The following CNTNAP2 variants were observed in gnomAD, a reference collection of about 807,000 sequenced individuals.
The protein encoded by CNTNAP2 is contactin-associated protein-like 2.
A neutral mutation model predicts 155.2 loss-of-function variants in CNTNAP2; 98 were observed. The ratio of observed to expected loss-of-function variants is 0.63; its 90% CI spans 0.54 to 0.75. CNTNAP2 has a LOEUF of 0.75. Ranked by LOEUF, CNTNAP2 falls within the 30% of genes least tolerant of loss-of-function variation. CNTNAP2 has a pLI of 0.00. For synonymous variants in CNTNAP2, 651 were observed against 631.2 expected (o/e 1.03, Z -0.47); for missense variants, 1,727 against 1,688.1 (o/e 1.02, Z -0.40).
intron 13 of CNTNAP2, among the ~76,000 whole-genome samples, chr7:147,736,282 G>A (rs1476968342): frequency 9.9e-5 from 15 of 151,970 alleles, no homozygotes; most frequent in Non-Finnish European, 1.5e-5. Flanking sequence ...CACTTATGAA[G>A]CTTAGTTTGT....
At chr7:147,172,367 G>C (rs1345343950) in intron 8 of CNTNAP2, among the ~76,000 whole-genome samples, 2 of 152,036 alleles carry the variant, frequency 1.3e-5, no homozygotes, top group African/African-American at 4.8e-5. Flanking sequence ...TGAATTGGTT[G>C]ACTGAATGAT....
intron 1 of CNTNAP2, among the ~76,000 whole-genome samples, chr7:146,455,455 A>G (rs1202976022): frequency 1.3e-5 from 2 of 152,302 alleles, no homozygotes; most frequent in East Asian, 1.9e-4. Flanking sequence ...ATGTTGGGAC[A>G]TAAGTACTAG....
At chr7:146,397,032 A>C (rs886986775) in intron 1 of CNTNAP2, among the ~76,000 whole-genome samples, 2 of 152,170 alleles carry the variant, frequency 1.3e-5, no homozygotes, top group Non-Finnish European at 2.9e-5. Flanking sequence ...ATGGACTTCC[A>C]ATAATCTTGC....
intron 12 of CNTNAP2, among the ~76,000 whole-genome samples, chr7:147,568,707 A>T (rs560534721): frequency 6.6e-6 from 1 of 152,056 alleles, no homozygotes; most frequent in African/African-American, 2.4e-5. Flanking sequence ...TATTTCTAAC[A>T]TTTCAGCTTT....
chr7:147,634,885 A>G (rs1795150620), intron 12 of CNTNAP2, among the ~76,000 whole-genome samples: 1 of 151,952 alleles, frequency 6.6e-6, no homozygotes, highest in Non-Finnish European at 1.5e-5. Flanking sequence ...ATGCCCAACC[A>G]TTTCTAACTC....
At chr7:147,775,263 A>G (rs1563084322) in intron 13 of CNTNAP2, among the ~76,000 whole-genome samples, 1 of 101,644 alleles carries the variant, frequency 9.8e-6, no homozygotes, top group Non-Finnish European at 1.9e-5. Flanking sequence ...ATTTATAAAT[A>G]TATTTATATA....
At chr7:147,854,115 C>T (rs1234435605) in intron 13 of CNTNAP2, among the ~76,000 whole-genome samples, 1 of 152,110 alleles carries the variant, frequency 6.6e-6, no homozygotes, top group African/African-American at 2.4e-5. Context: ...CACATCAATT[C>T]GGCCATTATA....
chr7:147,563,441 C>T (rs1345953988), intron 12 of CNTNAP2, among the ~76,000 whole-genome samples: 1 of 151,898 alleles, frequency 6.6e-6, no homozygotes, highest in African/African-American at 2.4e-5. Flanking sequence ...CCATTCTGGC[C>T]AACATGAGGA....
chr7:147,221,868 T>G (rs1803409188), intron 8 of CNTNAP2, among the ~76,000 whole-genome samples: 1 of 152,120 alleles, frequency 6.6e-6, no homozygotes, highest in African/African-American at 2.4e-5. Context: ...GGATTCTAGG[T>G]TTGTGGGCTT....
chr7:148,149,613 C>T (rs1805259684), intron 17 of CNTNAP2, among the ~76,000 whole-genome samples: 1 of 152,002 alleles, frequency 6.6e-6, no homozygotes, highest in South Asian at 2.1e-4. Flanking sequence ...GGTGTGTTCT[C>T]AACTCACGAC....
At chr7:146,179,263 G>A (rs987435613) in intron 1 of CNTNAP2, among the ~76,000 whole-genome samples, 9 of 152,142 alleles carry the variant, frequency 5.9e-5, no homozygotes, top group South Asian at 2.1e-4. Context: ...ACAGGGTATC[G>A]CCATGGATGA....
At chr7:146,338,836 C>T (rs1333604289) in intron 1 of CNTNAP2, among the ~76,000 whole-genome samples, 1 of 151,972 alleles carries the variant, frequency 6.6e-6, no homozygotes, top group East Asian at 1.9e-4. Flanking sequence ...ATATAAGCCT[C>T]ATAGTAACCA....
chr7:148,029,895 T>C lies in CNTNAP2; in HGVS notation c.2383+51906T>C, dbSNP rs181696241. Among the ~76,000 whole-genome samples the C allele has an allele frequency of 8.8e-4, 134 of 152,294 alleles. 1 individual carries two copies. The highest frequency in any genetic ancestry group is 3.1e-3 in the African/African-American group (127 of 41,578). ...GTAAGGTATATTTCCAGTACTGTTT[T>C]ATGTTTGGCAGGATTGTGGTGGAGA... On this transcript the variant is annotated intron_variant, in intron 15 of 23. Coordinates refer to ENST00000361727, the MANE Select transcript of CNTNAP2 (RefSeq NM_014141.6).
intron 12 of CNTNAP2, among the ~76,000 whole-genome samples, chr7:147,612,363 A>G (rs1332297705): frequency 6.6e-6 from 1 of 151,404 alleles, no homozygotes; most frequent in African/African-American, 2.4e-5. Context: ...AAGAAATATA[A>G]TTTCAAATAT....
chr7:148,344,181 A>G (rs1798281688), intron 21 of CNTNAP2, among the ~76,000 whole-genome samples: 1 of 152,144 alleles, frequency 6.6e-6, no homozygotes, highest in African/African-American at 2.4e-5. Flanking sequence ...ACAGATATTT[A>G]TTTAGGTGTT....
intron 11 of CNTNAP2, among the ~76,000 whole-genome samples, chr7:147,517,474 GGAGA>G (rs1333050994): frequency 6.6e-6 from 1 of 152,154 alleles, no homozygotes; most frequent in African/African-American, 2.4e-5. Flanking sequence ...AGCAGCTGTG[GGAGA>G]GAAAGTTCAA....
rs749891285 is a variant in CNTNAP2 at position 146,597,146 on chromosome 7, T to C, written c.98-177125T>C. ...AGTTTATGTTCTGGATAGAACTTCA[T>C]AGGAGGCATGGCATTGATCATCACT... On this transcript the variant is annotated intron_variant, in intron 1 of 23. Coordinates refer to ENST00000361727, the MANE Select transcript of CNTNAP2 (RefSeq NM_014141.6). Among the ~76,000 whole-genome samples, 4 of 152,074 alleles carry C rather than the reference T, an allele frequency of 2.6e-5. No homozygotes were observed. In the South Asian group the frequency reaches 6.2e-4, roughly 24 times the overall value.
At position 147,196,799 on chromosome 7, in the gene CNTNAP2, A is replaced by G. The variant is rs527315877; in HGVS notation, c.1348+64290A>G. On this transcript the variant is annotated intron_variant, in intron 8 of 23. Coordinates refer to ENST00000361727, the MANE Select transcript of CNTNAP2 (RefSeq NM_014141.6). Reference sequence around the variant, plus strand: ...GCAACTACTGAATGACGCGAAAAATATACAGCTAAGAGTGTGCAGGCGAGT... The same window carrying G: ...GCAACTACTGAATGACGCGAAAAATGTACAGCTAAGAGTGTGCAGGCGAGT... Among the ~76,000 whole-genome samples the G allele has an allele frequency of 1.1e-4, 16 of 152,334 alleles. No homozygotes were observed. The South Asian group carries it at 3.1e-3, about 30-fold the overall frequency.
Position 147,110,659 on chromosome 7 carries a change from G to A in CNTNAP2, c.754+2309G>A, listed in dbSNP as rs188903159. Among the ~76,000 whole-genome samples the A allele has an allele frequency of 6.2e-3, 946 of 152,210 alleles. 6 individuals carry two copies. Among genetic ancestry groups the A allele is most frequent in the Middle Eastern group, 0.024 (7 of 294 alleles). On this transcript the variant is annotated intron_variant, in intron 5 of 23. Coordinates refer to ENST00000361727, the MANE Select transcript of CNTNAP2 (RefSeq NM_014141.6). ...TCTGTTCCTGCATTAGTTTGCTGAG[G>A]ACAATAGCCTCCAGCTCCATCCATG...
Sources: allele counts gnomAD v4.1 joint callset (sites outside exome capture counted in the v4.1 genomes callset), GRCh38; gene constraint gnomAD v4.1.1; transcripts MANE v1.5; gene names NCBI Gene and HGNC (gene_info 2026-07-23, HGNC 2026-07-21).